Variants in FHIT observed in about 807,000 individuals in gnomAD.
FHIT encodes the protein fragile histidine triad diadenosine triphosphatase.
In FHIT, 19 loss-of-function variants were observed where a neutral mutation model predicts 17.9. The ratio of observed to expected loss-of-function variants is 1.06; its 90% CI spans 0.74 to 1.56. The LOEUF (loss-of-function observed/expected upper bound fraction) is 1.56, where lower values mean the gene tolerates loss of function less well. Ranked by LOEUF, FHIT falls within the 40% of genes most tolerant of loss-of-function variation. The pLI is 0.00. For missense variants in FHIT, 248 were observed against 189.2 expected, an observed-to-expected ratio of 1.31 and a Z score of -1.82; for synonymous variants, 81 against 69.7, an observed-to-expected ratio of 1.16 and a Z score of -0.81.
rs188000401 is a variant in FHIT, at chr3:59,798,971, G to A, written c.349-46650C>T. Among the ~76,000 whole-genome samples the A allele has an allele frequency of 3.3e-5, 5 of 152,292 alleles. No homozygotes were observed. In the East Asian group the frequency reaches 9.7e-4, roughly 29 times the overall value. On this transcript the variant is annotated intron_variant, in intron 8 of 9. Coordinates refer to ENST00000492590, the MANE Select transcript of FHIT (RefSeq NM_002012.4). ...CCTCTGCTAACCTCCAGCCACGTTG[G>A]TGAACTCTCAGAAAGCCTTGTGCAT...
intron 4 of FHIT, among the ~76,000 whole-genome samples, chr3:60,635,294 T>C (rs969587866): frequency 6.6e-6 from 1 of 152,242 alleles, no homozygotes. Flanking sequence ...CACATTTTTC[T>C]TTTTATTATG....
intron 8 of FHIT, among the ~76,000 whole-genome samples, chr3:59,899,796 T>A (rs9871827): frequency 0.23 from 34,887 of 151,902 alleles, 6,515 homozygotes; most frequent in African/African-American, 0.52. Flanking sequence ...CAGTGAGCCA[T>A]GATGGTGCCA....
At chr3:61,179,656 T>C (rs1210110526) in intron 2 of FHIT, among the ~76,000 whole-genome samples, 1 of 133,620 alleles carries the variant, frequency 7.5e-6, no homozygotes, top group Non-Finnish European at 1.5e-5. Flanking sequence ...TGCTGTGAGC[T>C]ATAATTGTGC....
Position 60,969,983 on chromosome 3 carries a change from G to A in FHIT, c.-111+72064C>T, listed in dbSNP as rs190777335. The stretch of plus-strand genomic sequence containing the variant: ...AGGCTCAAGTGATCCTCCCACCTCA[G>A]CCTTCTGAATTTTTTGGTTTTGTAG... On this transcript the variant is annotated intron_variant, in intron 3 of 9. Transcript: ENST00000492590. 6.0e-4 allele frequency among the ~76,000 whole-genome samples: 91 copies of A among 152,178 alleles called. 1 individual carries two copies. The highest frequency in any genetic ancestry group is 3.4e-3 in the Middle Eastern group (1 of 294).
intron 4 of FHIT, among the ~76,000 whole-genome samples, chr3:60,749,316 C>G (rs1240008331): frequency 1.3e-5 from 2 of 151,732 alleles, no homozygotes; most frequent in African/African-American, 4.8e-5. Flanking sequence ...GTTTTTTTTC[C>G]GCATCTGTTG....
At chr3:59,987,498 G>C (rs1251848112) in intron 7 of FHIT, among the ~76,000 whole-genome samples, 1 of 152,022 alleles carries the variant, frequency 6.6e-6, no homozygotes, top group Non-Finnish European at 1.5e-5. Context: ...CCAGTAATTA[G>C]ATGTTTTAAC....
intron 5 of FHIT, among the ~76,000 whole-genome samples, chr3:60,202,928 C>T (rs213308): frequency 0.95 from 143,943 of 152,064 alleles, 68,176 homozygotes; most frequent in East Asian, 1. Context: ...ATGACCTCAG[C>T]TTTATCTACT....
At chr3:60,418,427 C>T (rs2687185) in intron 5 of FHIT, among the ~76,000 whole-genome samples, 5,407 of 15,204 alleles carry the variant, frequency 0.36, 938 homozygotes, top group South Asian at 0.44. Context: ...TATATATATA[C>T]GTGTATACAC....
At chr3:59,823,317 A>T (rs1053817846) in intron 8 of FHIT, among the ~76,000 whole-genome samples, 8 of 152,268 alleles carry the variant, frequency 5.3e-5, no homozygotes, top group African/African-American at 1.9e-4. Context: ...GTTTTCTCTA[A>T]TTCTGTGAAG....
intron 5 of FHIT, among the ~76,000 whole-genome samples, chr3:60,034,985 T>C (rs1390004610): frequency 3.3e-5 from 5 of 152,202 alleles, no homozygotes; most frequent in Admixed American, 6.5e-5. Flanking sequence ...GAGATATTTT[T>C]CCCAATGCCT....
At chr3:60,507,798 G>C (rs1031031818) in intron 5 of FHIT, among the ~76,000 whole-genome samples, 2 of 152,060 alleles carry the variant, frequency 1.3e-5, no homozygotes, top group Non-Finnish European at 2.9e-5. Flanking sequence ...TCCTGCATTA[G>C]TTTGCTAAAG....
intron 5 of FHIT, among the ~76,000 whole-genome samples, chr3:60,191,627 C>G (rs562644306): frequency 6.6e-6 from 1 of 152,194 alleles, no homozygotes; most frequent in African/African-American, 2.4e-5. Flanking sequence ...ATTGCAAATT[C>G]ATGAGGCCAG....
chr3:60,211,100 G>C (rs1278700802), intron 5 of FHIT, among the ~76,000 whole-genome samples: 1 of 144,280 alleles, frequency 6.9e-6, no homozygotes, highest in Admixed American at 6.9e-5. Flanking sequence ...AGAGGAGGAA[G>C]AGGAAAAAGA....
At chr3:60,160,717 T>C (rs1388361458) in intron 5 of FHIT, among the ~76,000 whole-genome samples, 1 of 152,174 alleles carries the variant, frequency 6.6e-6, no homozygotes, top group East Asian at 1.9e-4. Context: ...AAACTGTTTT[T>C]TATCAAATGA....
intron 5 of FHIT, among the ~76,000 whole-genome samples, chr3:60,044,155 C>T (rs1178377932): frequency 6.6e-6 from 1 of 152,264 alleles, no homozygotes; most frequent in African/African-American, 2.4e-5. Context: ...GGAAATTTTA[C>T]AGCCAAGTAA....
intron 5 of FHIT, among the ~76,000 whole-genome samples, chr3:60,476,320 G>A (rs72880376): frequency 0.037 from 5,577 of 152,200 alleles, 321 homozygotes; most frequent in African/African-American, 0.12. Context: ...GTATGAAGGC[G>A]CTTTAAGAAC....
intron 3 of FHIT, among the ~76,000 whole-genome samples, chr3:60,936,790 T>C (rs1553773181): frequency 6.6e-6 from 1 of 152,202 alleles, no homozygotes; most frequent in East Asian, 1.9e-4. Flanking sequence ...CTGTAAACTT[T>C]GGTAGCATGA....
At chr3:60,080,718 G>C (rs993182952) in intron 5 of FHIT, 2 of 152,088 alleles carry the variant, frequency 1.3e-5, no homozygotes, top group African/African-American at 2.4e-5. Flanking sequence ...AACCCTGTAA[G>C]AGCATTTACA....
intron 8 of FHIT, among the ~76,000 whole-genome samples, chr3:59,850,303 C>A (rs1701882537): frequency 6.6e-6 from 1 of 152,186 alleles, no homozygotes; most frequent in East Asian, 1.9e-4. Context: ...GACAACTTTA[C>A]CTCTTTACCA....
Sources: gnomAD v4.1 joint callset for allele counts (sites outside exome capture counted in the v4.1 genomes callset) on GRCh38, gnomAD v4.1.1 for gene constraint, MANE v1.5 for transcripts, NCBI Gene and HGNC (gene_info 2026-07-23, HGNC 2026-07-21) for gene names.